Variants in HIPK3 observed in about 807,000 individuals in gnomAD.
HIPK3 encodes homeodomain interacting protein kinase 3.
A neutral mutation model predicts 124.2 loss-of-function variants in HIPK3; 47 were observed. The ratio of observed to expected loss-of-function variants is 0.38; its 90% CI spans 0.30 to 0.48. HIPK3 has a LOEUF of 0.48. Among genes scored for constraint, HIPK3 ranks in the 20% least tolerant of loss-of-function variants. The pLI is 0.98. For synonymous variants in HIPK3, 482 were observed against 515.2 expected, an observed-to-expected ratio of 0.94 and a Z score of 0.87; for missense variants, 1,286 against 1,454.3, an observed-to-expected ratio of 0.88 and a Z score of 1.88.
intron 2 of HIPK3, among the ~76,000 whole-genome samples, chr11:33,293,726 A>G (rs1404157377): frequency 6.6e-6 from 1 of 152,216 alleles, no homozygotes; most frequent in African/African-American, 2.4e-5. Context: ...AGAAACTGTA[A>G]TATGGTCCAA....
intron 2 of HIPK3, among the ~76,000 whole-genome samples, chr11:33,321,818 ATG>A (rs1401074913): frequency 2.6e-5 from 4 of 152,160 alleles, no homozygotes; most frequent in Admixed American, 6.5e-5. Flanking sequence ...TGTTTTAAAA[ATG>A]AAAATACTAA....
In HIPK3 at chr11:33,340,041, C is replaced by T. The variant is rs750375366; in HGVS notation, c.1613+507C>T. Among the ~76,000 whole-genome samples the T allele has an allele frequency of 1.6e-4, 24 of 152,096 alleles. 1 individual carries two copies. Among genetic ancestry groups the T allele is most frequent in the Non-Finnish European group, 2.5e-4 (17 of 68,016 alleles). On this transcript the variant is annotated intron_variant, in intron 6 of 16. Coordinates refer to ENST00000303296, the MANE Select transcript of HIPK3 (RefSeq NM_005734.5). The stretch of plus-strand genomic sequence containing the variant: ...GTAGGGAAGAATATATACTAAAATT[C>T]CAAAGGCCTTAAATATTACAAATTC...
At chr11:33,346,996 C>T (rs1007980618) in intron 8 of HIPK3, among the ~76,000 whole-genome samples, 2 of 151,984 alleles carry the variant, frequency 1.3e-5, no homozygotes, top group Non-Finnish European at 2.9e-5. Context: ...CAAGACCAGC[C>T]TGAGCAACAT....
At chr11:33,259,772 G>C (rs1850775126) in intron 1 of HIPK3, among the ~76,000 whole-genome samples, 1 of 148,722 alleles carries the variant, frequency 6.7e-6, no homozygotes, top group Non-Finnish European at 1.5e-5. Flanking sequence ...GGAAAAATTT[G>C]TTCCTTAATC....
intron 8 of HIPK3, 99 bp from the exon 9 acceptor site, chr11:33,347,194 T>A: frequency 4.5e-6 from 5 of 1,122,380 alleles, no homozygotes; most frequent in Non-Finnish European, 5.0e-6. Flanking sequence ...AAAAAAAAAA[T>A]CTGTCAGAAT....
At chr11:33,331,372 T>C (rs944241890) in intron 3 of HIPK3, among the ~76,000 whole-genome samples, 2 of 152,112 alleles carry the variant, frequency 1.3e-5, no homozygotes, top group African/African-American at 2.4e-5. Context: ...ACACCCCAAC[T>C]GGGGAGTTGG....
At chr11:33,271,366 G>C (rs1292851839) in intron 1 of HIPK3, among the ~76,000 whole-genome samples, 1 of 152,156 alleles carries the variant, frequency 6.6e-6, no homozygotes, top group Non-Finnish European at 1.5e-5. Context: ...TTGAGCCCAA[G>C]AGTTTGAGAC....
At chr11:33,309,299 G>C (rs1038711259) in intron 2 of HIPK3, among the ~76,000 whole-genome samples, 7 of 152,208 alleles carry the variant, frequency 4.6e-5, no homozygotes, top group Middle Eastern at 3.4e-3. Context: ...CTTTTTGTTA[G>C]AGACGGGATC....
Position 33,257,692 on chromosome 11 carries a change from G to C in HIPK3, c.-200G>C. 1 of 992,948 alleles carries C rather than the reference G, an allele frequency of 1.0e-6. No homozygotes were observed. The highest frequency in any genetic ancestry group is 4.5e-5 in the South Asian group (1 of 22,366). The allele number at this position is 992,948 out of a possible 1,614,324, so 61.5% of individuals were successfully genotyped here. ...AGCAGCAGCAGCAGCAGCAGCGGTC[G>C]GGGGAGGGTGTTTCGCCGTTTCCTC... On this transcript the variant is annotated 5_prime_UTR_variant, in exon 1 of 17. Coordinates refer to ENST00000303296, the MANE Select transcript of HIPK3 (RefSeq NM_005734.5).
chr11:33,317,274 ATTTTTTTTT>A (rs3028961), intron 2 of HIPK3, among the ~76,000 whole-genome samples: 2 of 102,220 alleles, frequency 2.0e-5, no homozygotes, highest in Non-Finnish European at 3.7e-5. Flanking sequence ...GCCTGGCCCT[ATTTTTTTTT>A]TTTTTTTTTT....
At chr11:33,310,228 TTGTC>T (rs67183549) in intron 2 of HIPK3, among the ~76,000 whole-genome samples, 9,233 of 146,242 alleles carry the variant, frequency 0.063, 469 homozygotes, top group African/African-American at 0.12. Context: ...CTGGCTATCT[TTGTC>T]TGTCTGTCTG....
In HIPK3 at chr11:33,348,280, A is replaced by G. The variant is rs369466711; in HGVS notation, c.2369+52A>G. Reference sequence around the variant, plus strand: ...ATTTATTATCTACCTGTAATGTAGCAATTGTGGACATTCAGATAGCACATT... The same window carrying G: ...ATTTATTATCTACCTGTAATGTAGCGATTGTGGACATTCAGATAGCACATT... On this transcript the variant is annotated intron_variant, in intron 12 of 16. Transcript: ENST00000303296. The G allele has an allele frequency of 2.7e-6, 4 of 1,494,060 alleles. No homozygotes were observed. The East Asian group carries it at 6.8e-5, about 25-fold the overall frequency. 92.6% of individuals were successfully genotyped at this position (1,494,060 alleles called of 1,614,324 possible).
intron 1 of HIPK3, among the ~76,000 whole-genome samples, chr11:33,268,674 G>T (rs1851043243): frequency 6.6e-6 from 1 of 151,346 alleles, no homozygotes; most frequent in Non-Finnish European, 1.5e-5. Flanking sequence ...TTAATTGCCA[G>T]TAGCCTTGAA....
intron 2 of HIPK3, among the ~76,000 whole-genome samples, chr11:33,292,995 C>T (rs1414131631): frequency 6.6e-6 from 1 of 152,148 alleles, no homozygotes; most frequent in East Asian, 1.9e-4. Context: ...CCTCAGCTTC[C>T]CAAAGTGCTG....
intron 1 of HIPK3, among the ~76,000 whole-genome samples, chr11:33,271,005 T>C (rs889999401): frequency 1.3e-5 from 2 of 152,324 alleles, no homozygotes; most frequent in Admixed American, 1.3e-4. Context: ...TTAATGTGAA[T>C]GATATATCTT....
At chr11:33,271,870 A>G (rs924304730) in intron 1 of HIPK3, among the ~76,000 whole-genome samples, 2 of 152,196 alleles carry the variant, frequency 1.3e-5, no homozygotes, top group Admixed American at 1.3e-4. Context: ...TCTGATATGT[A>G]TGGTTTTTAG....
At chr11:33,291,812 G>A (rs753462908) in intron 2 of HIPK3, among the ~76,000 whole-genome samples, 45 of 152,146 alleles carry the variant, frequency 3.0e-4, no homozygotes, top group Non-Finnish European at 1.0e-4. Flanking sequence ...AAAGTGGGCT[G>A]TAAAAATAAC....
At chr11:33,275,614 G>C (rs1441954612) in intron 1 of HIPK3, among the ~76,000 whole-genome samples, 1 of 151,972 alleles carries the variant, frequency 6.6e-6, no homozygotes, top group Non-Finnish European at 1.5e-5. Flanking sequence ...TTGTTATATA[G>C]TTCTATTTTG....
At chr11:33,258,707 G>T in intron 1 of HIPK3, 1 of 985,378 alleles carries the variant, frequency 1.0e-6, no homozygotes, top group Non-Finnish European at 1.2e-6. Context: ...GGCTCTCGGG[G>T]AATCCTGTTG....
Sources: allele counts gnomAD v4.1 joint callset (sites outside exome capture counted in the v4.1 genomes callset), GRCh38; gene constraint gnomAD v4.1.1; transcripts MANE v1.5; gene names NCBI Gene and HGNC (gene_info 2026-07-23, HGNC 2026-07-21).